Variants in HEBP2 observed in about 807,000 individuals in gnomAD.
HEBP2 encodes heme binding protein 2, also known as heme-binding protein 2.
A neutral mutation model predicts 23.1 loss-of-function variants in HEBP2; 27 were observed. The observed-to-expected ratio is 1.17, with a 90% CI of 0.86 to 1.61. The LOEUF is 1.61. Among genes scored for constraint, HEBP2 ranks in the 40% most tolerant of loss-of-function variants. The probability of loss-of-function intolerance (pLI) is 0.00; values close to 1 mark genes in which losing one functional copy is unlikely to be tolerated. For synonymous variants in HEBP2, 99 were observed against 95.1 expected (o/e 1.04, Z -0.24); for missense variants, 245 against 253.8 (o/e 0.97, Z 0.24).
At chr6:138,405,304 T>G in intron 2 of HEBP2, 24 bp downstream of exon 2, 1 of 1,613,788 alleles carries the variant, frequency 6.2e-7, no homozygotes, top group Non-Finnish European at 8.5e-7. Context: ...TCCTTGTAAT[T>G]ATGCATATTG....
At position 138,415,600 on chromosome 6, in the gene HEBP2, G is replaced by A. The variant is rs755428951; in HGVS notation, c.*2522G>A. On this transcript the variant is annotated 3_prime_UTR_variant, in exon 4 of 4. Transcript: ENST00000607197. ...CAAACAAAACTAAGTGTGAGCCGCA[G>A]AGTCTCTGTGGTAGCTTGCCAACAA... 1.3e-5 allele frequency: 2 copies of A among 152,194 alleles called. No individual in the cohort carries two copies. Among genetic ancestry groups the A allele is most frequent in the African/African-American group, 2.4e-5 (1 of 41,446 alleles). 9.4% of individuals were successfully genotyped at this position (152,194 alleles called of 1,614,324 possible).
In HEBP2 at chr6:138,418,265, G is replaced by A. The variant is rs1240292050; in HGVS notation, c.*5187G>A. 6.6e-6 allele frequency: 1 copy of A among 152,230 alleles called. No individual in the cohort carries two copies. Among genetic ancestry groups the A allele is most frequent in the East Asian group, 1.9e-4 (1 of 5,202 alleles). 9.4% of individuals were successfully genotyped at this position (152,230 alleles called of 1,614,324 possible). ...AATTATGTGATGTGGCAGATCTTAT[G>A]TATTGGAGGTAGGGGGAAAGAAGAT... is the stretch of plus-strand genomic sequence containing the variant. On this transcript the variant is annotated 3_prime_UTR_variant, in exon 4 of 4. Coordinates refer to ENST00000607197, the MANE Select transcript of HEBP2 (RefSeq NM_014320.3).
At position 138,404,462 on chromosome 6, in the gene HEBP2, G is replaced by A. The variant is rs1448989698; in HGVS notation, c.-34G>A. 4 of 1,242,578 alleles carry A rather than the reference G, an allele frequency of 3.2e-6. No homozygotes were observed. The African/African-American group carries it at 4.7e-5, about 15-fold the overall frequency. 77.0% of individuals were successfully genotyped at this position (1,242,578 alleles called of 1,614,324 possible). ...GGCCCGGGGTGCGGGGCCTCTGCGC[G>A]GCTGACCAGGCTCCCAGAGCGTCAG... On this transcript the variant is annotated 5_prime_UTR_variant, in exon 1 of 4. Coordinates refer to ENST00000607197, the MANE Select transcript of HEBP2 (RefSeq NM_014320.3).
rs1774844551 is a variant in HEBP2, at chr6:138,416,508, C to T, written c.*3430C>T. On this transcript the variant is annotated 3_prime_UTR_variant, in exon 4 of 4. Transcript: ENST00000607197. ...CGGGCTTGGGCATCATAAAGGAGCT[C>T]AGCGGTGGCTCTCCTCGGCAGGCTG... 1 of 152,430 alleles carries T rather than the reference C, an allele frequency of 6.6e-6. No homozygotes were observed. Among genetic ancestry groups the T allele is most frequent in the African/African-American group, 2.4e-5 (1 of 41,444 alleles). The allele number at this position is 152,430 out of a possible 1,614,324, so 9.4% of individuals were successfully genotyped here.
At chr6:138,406,199 C>CA in intron 3 of HEBP2, 48 bp downstream of exon 3, 2 of 1,521,554 alleles carry the variant, frequency 1.3e-6, no homozygotes, top group Non-Finnish European at 1.8e-6. Flanking sequence ...GTTTTACTTG[C>CA]GTGCACTCAC....
chr6:138,412,806 C>T (rs1159293130), intron 3 of HEBP2, 74 bp from the exon 4 acceptor site: 3 of 1,311,598 alleles, frequency 2.3e-6, no homozygotes, highest in Admixed American at 1.7e-5. Context: ...GGTACTAGCG[C>T]CCGCTTTTTG....
Position 138,413,131 on chromosome 6 carries a change from A to T in HEBP2, c.*53A>T. 7.3e-7 allele frequency: 1 copy of T among 1,373,512 alleles called. No individual in the cohort carries two copies. Among genetic ancestry groups the T allele is most frequent in the Non-Finnish European group, 1.0e-6 (1 of 966,408 alleles). 85.1% of individuals were successfully genotyped at this position (1,373,512 alleles called of 1,614,324 possible). ...GAGGCAAAACATCTGTTTATCATAGACATCAACATGACCTATAAGTAAAGT... is the reference window on the plus strand; with the variant it reads ...GAGGCAAAACATCTGTTTATCATAGTCATCAACATGACCTATAAGTAAAGT... On this transcript the variant is annotated 3_prime_UTR_variant, in exon 4 of 4. Transcript: ENST00000607197.
intron 3 of HEBP2, among the ~76,000 whole-genome samples, chr6:138,411,723 C>T (rs1774748492): frequency 2.0e-5 from 3 of 152,166 alleles, no homozygotes; most frequent in Admixed American, 2.0e-4. Context: ...TTTGGGAGGC[C>T]AAGGCAGGTG....
Position 138,421,897 on chromosome 6 carries a change from G to C in HEBP2, c.*8819G>C, listed in dbSNP as rs1774947073. The C allele has an allele frequency of 6.6e-6, 1 of 152,066 alleles. No homozygotes were observed. Among genetic ancestry groups the C allele is most frequent in the Admixed American group, 6.5e-5 (1 of 15,274 alleles). 9.4% of individuals were successfully genotyped at this position (152,066 alleles called of 1,614,324 possible). A position where few individuals can be genotyped will look rare whatever the true frequency, so the allele number is the denominator to read the frequency against. ...GTGTCTGTGATGTTCCACCTCCTCTGTTGGGTTGTCACCTCCCCCAGAGAC... is the reference window on the plus strand; with the variant it reads ...GTGTCTGTGATGTTCCACCTCCTCTCTTGGGTTGTCACCTCCCCCAGAGAC... On this transcript the variant is annotated 3_prime_UTR_variant, in exon 4 of 4. Transcript: ENST00000607197.
chr6:138,403,674 C>T (rs920532868), upstream of HEBP2: 7 of 420,806 alleles, frequency 1.7e-5, no homozygotes, highest in African/African-American at 1.2e-4. Flanking sequence ...CAGAGCCGCA[C>T]CCCACTCGGC....
chr6:138,410,810 C>G (rs745428500), intron 3 of HEBP2, among the ~76,000 whole-genome samples: 1 of 152,138 alleles, frequency 6.6e-6, no homozygotes, highest in South Asian at 2.1e-4. Flanking sequence ...ACCCATGGTT[C>G]AGAATTATAT....
Position 138,415,589 on chromosome 6 carries a change from T to G in HEBP2, c.*2511T>G, listed in dbSNP as rs1247079625. 2 of 152,076 alleles carry G rather than the reference T, an allele frequency of 1.3e-5. No individual in the cohort carries two copies. The highest frequency in any genetic ancestry group is 3.9e-4 in the East Asian group (2 of 5,184). 9.4% of individuals were successfully genotyped at this position (152,076 alleles called of 1,614,324 possible). A position where few individuals can be genotyped will look rare whatever the true frequency, so the allele number is the denominator to read the frequency against. The stretch of plus-strand genomic sequence containing the variant: ...AGGTCAATTAACAAACAAAACTAAG[T>G]GTGAGCCGCAGAGTCTCTGTGGTAG... On this transcript the variant is annotated 3_prime_UTR_variant, in exon 4 of 4. Transcript: ENST00000607197.
At chr6:138,404,639 C>T (rs1487272062) in intron 1 of HEBP2, 42 bp downstream of exon 1, 4 of 1,219,202 alleles carry the variant, frequency 3.3e-6, no homozygotes, top group Non-Finnish European at 4.1e-6. Flanking sequence ...GCCCGCCTTC[C>T]GGCTGATTTG....
At position 138,418,366 on chromosome 6, in the gene HEBP2, C is replaced by A. The variant is rs1774870891; in HGVS notation, c.*5288C>A. On this transcript the variant is annotated 3_prime_UTR_variant, in exon 4 of 4. Transcript: ENST00000607197. ...CCTGGGGCCCTGAAGGAAGGTGGTT[C>A]TAACCACAGGAGAGGATCATATGCT... 5.9e-5 allele frequency: 9 copies of A among 152,204 alleles called. No individual in the cohort carries two copies. The highest frequency in any genetic ancestry group is 5.9e-4 in the Admixed American group (9 of 15,278). 9.4% of individuals were successfully genotyped at this position (152,204 alleles called of 1,614,324 possible).
In HEBP2 at chr6:138,419,307, G is replaced by A. The variant is rs1327191877; in HGVS notation, c.*6229G>A. ...GGCTGTGAAGACCAACTGGTCGCTT[G>A]ATAGCAAATTCACTATGGTAGGCTC... On this transcript the variant is annotated 3_prime_UTR_variant, in exon 4 of 4. Coordinates refer to ENST00000607197, the MANE Select transcript of HEBP2 (RefSeq NM_014320.3). 1 of 152,238 alleles carries A rather than the reference G, an allele frequency of 6.6e-6. No individual in the cohort carries two copies. The highest frequency in any genetic ancestry group is 1.9e-4 in the East Asian group (1 of 5,200). 9.4% of individuals were successfully genotyped at this position (152,238 alleles called of 1,614,324 possible).
upstream of HEBP2, chr6:138,404,140 T>A (rs759306389): frequency 2.2e-5 from 5 of 223,914 alleles, no homozygotes; most frequent in Non-Finnish European, 4.3e-5. Context: ...CGGGGCCACC[T>A]GTGTGTGCCT....
rs1346466866 is a variant in HEBP2 at position 138,404,604 on chromosome 6, G to T, written c.102+7G>T. On this transcript the variant is annotated splice_region_variant and intron_variant, in intron 1 of 3. Transcript: ENST00000607197. ...GGAGGACGCCGGCCCCCAGGTAGGC[G>T]CCGACTCGGGAGCGGAGGGGCTGGG... The T allele has an allele frequency of 4.6e-5, 58 of 1,270,898 alleles. No individual in the cohort carries two copies. Among genetic ancestry groups the T allele is most frequent in the Non-Finnish European group, 5.8e-5 (58 of 1,007,570 alleles). 78.7% of individuals were successfully genotyped at this position (1,270,898 alleles called of 1,614,324 possible).
In HEBP2 at chr6:138,406,093, A is replaced by G; in HGVS notation, c.361A>G (p.Arg121Gly). The G allele has an allele frequency of 6.2e-7, 1 of 1,614,176 alleles. No homozygotes were observed. Among genetic ancestry groups the G allele is most frequent in the African/African-American group, 1.3e-5 (1 of 75,064 alleles). The change falls in exon 3 of 4, where the codon AGG becomes GGG. Residue 121 changes from arginine (R) to glycine (G), a missense_variant. Transcript: ENST00000607197. The part of the protein sequence containing the change: ...IPSEQQFDPP[R>G]PLESDVFIED... The stretch of plus-strand genomic sequence containing the variant: ...CTCTGAACAGCAATTTGATCCACCC[A>G]GGCCTTTAGAGTCAGATGTCTTCAT...
rs1361071767 is a variant in HEBP2, at chr6:138,420,268, T to C, written c.*7190T>C. The C allele has an allele frequency of 6.6e-6, 1 of 151,970 alleles. No individual in the cohort carries two copies. The highest frequency in any genetic ancestry group is 1.5e-5 in the Non-Finnish European group (1 of 68,028). 9.4% of individuals were successfully genotyped at this position (151,970 alleles called of 1,614,324 possible). On this transcript the variant is annotated 3_prime_UTR_variant, in exon 4 of 4. Transcript: ENST00000607197. The stretch of plus-strand genomic sequence containing the variant: ...TGAAGCAGGGAGTAATGAGGACCAG[T>C]TGTGGTTCCAAAACCATTTGCAGGA...
Sources: allele counts gnomAD v4.1 joint callset (sites outside exome capture counted in the v4.1 genomes callset), GRCh38; gene constraint gnomAD v4.1.1; transcripts MANE v1.5; gene names NCBI Gene and HGNC (gene_info 2026-07-23, HGNC 2026-07-21).